EML4: variants seen among roughly 807,000 people sequenced by gnomAD.
EML4 encodes EMAP like 4.
EML4 carries 72 observed loss-of-function variants against 129.0 expected under a neutral mutation model. The observed-to-expected ratio is 0.56, with a 90% confidence interval of 0.46 to 0.68. The LOEUF (loss-of-function observed/expected upper bound fraction) is 0.68, where lower values mean the gene tolerates loss of function less well. Ranked by LOEUF, EML4 falls within the 30% of genes least tolerant of loss-of-function variation. The pLI, the probability that EML4 is intolerant of heterozygous loss-of-function variation, is 0.00. For synonymous variants in EML4, 532 were observed against 405.0 expected, an observed-to-expected ratio of 1.31 and a Z score of -3.77; for missense variants, 1,363 against 1,190.6, an observed-to-expected ratio of 1.14 and a Z score of -2.13.
At chr2:42,222,533 A>G (rs1296212525) in intron 1 of EML4, among the ~76,000 whole-genome samples, 3 of 152,158 alleles carry the variant, frequency 2.0e-5, no homozygotes, top group African/African-American at 7.2e-5. Flanking sequence ...GAGTCCAGTA[A>G]TTGGGACAAA....
At chr2:42,239,316 AT>A (rs1405897904) in intron 1 of EML4, among the ~76,000 whole-genome samples, 6 of 152,232 alleles carry the variant, frequency 3.9e-5, no homozygotes, top group African/African-American at 1.4e-4. Flanking sequence ...ACTTTTGGAT[AT>A]TTATAATGAA....
At position 42,214,985 on chromosome 2, in the gene EML4, A is replaced by G. The variant is rs58797798; in HGVS notation, c.26-30520A>G. Among the ~76,000 whole-genome samples the G allele has an allele frequency of 4.9e-4, 74 of 152,322 alleles. No homozygotes were observed. The East Asian group carries it at 0.013, about 26-fold the overall frequency. On this transcript the variant is annotated intron_variant, in intron 1 of 22. Coordinates refer to ENST00000318522, the MANE Select transcript of EML4 (RefSeq NM_019063.5). The stretch of plus-strand genomic sequence containing the variant: ...GAGAGAACTACATAAGAGCATGACT[A>G]CTGGTAGGCGTGTTTCATTGGGGGT...
chr2:42,205,831 C>T (rs1672505684), intron 1 of EML4, among the ~76,000 whole-genome samples: 1 of 152,120 alleles, frequency 6.6e-6, no homozygotes, highest in East Asian at 1.9e-4. Context: ...TTTTACTCTC[C>T]TGTGTTAACA....
intron 1 of EML4, among the ~76,000 whole-genome samples, chr2:42,223,801 GC>G (rs1229955456): frequency 6.6e-6 from 1 of 152,006 alleles, no homozygotes; most frequent in African/African-American, 2.4e-5. Flanking sequence ...AGAAATGCTG[GC>G]TCTAGGCTAT....
intron 11 of EML4, among the ~76,000 whole-genome samples, chr2:42,293,767 G>A (rs776980301): frequency 6.6e-6 from 1 of 151,986 alleles, no homozygotes; most frequent in African/African-American, 2.4e-5. Flanking sequence ...CCACCACCAC[G>A]CCCAGCTACT....
At chr2:42,313,503 C>T (rs149896906) in intron 17 of EML4, among the ~76,000 whole-genome samples, 42 of 152,014 alleles carry the variant, frequency 2.8e-4, no homozygotes, top group East Asian at 5.8e-4. Flanking sequence ...CACTAAGCCA[C>T]GTTAAACCAT....
intron 1 of EML4, among the ~76,000 whole-genome samples, chr2:42,195,863 T>C (rs1671869801): frequency 1.3e-5 from 2 of 152,242 alleles, no homozygotes; most frequent in Non-Finnish European, 1.5e-5. Flanking sequence ...CCAAGTGTTA[T>C]TAAAGTTAAT....
chr2:42,212,031 A>G (rs1302232198), intron 1 of EML4, among the ~76,000 whole-genome samples: 1 of 152,014 alleles, frequency 6.6e-6, no homozygotes, highest in Non-Finnish European at 1.5e-5. Context: ...TTTTTAGTAG[A>G]GATGGGGTTT....
chr2:42,249,936 A>G (rs968264538), intron 2 of EML4, among the ~76,000 whole-genome samples: 17 of 152,178 alleles, frequency 1.1e-4, no homozygotes, highest in African/African-American at 3.9e-4. Flanking sequence ...AGAAAAAAAT[A>G]TTACCTGTAC....
chr2:42,182,969 C>G (rs1671034863), intron 1 of EML4, among the ~76,000 whole-genome samples: 1 of 152,074 alleles, frequency 6.6e-6, no homozygotes, highest in Non-Finnish European at 1.5e-5. Context: ...GAGGCCCCCC[C>G]ACAGCCCACT....
intron 1 of EML4, among the ~76,000 whole-genome samples, chr2:42,221,381 A>G (rs372455066): frequency 4.8e-4 from 68 of 143,070 alleles, no homozygotes; most frequent in African/African-American, 1.7e-3. Context: ...AGATGACAGC[A>G]CATTGTTTAC....
At position 42,303,317 on chromosome 2, in the gene EML4, T is replaced by G. The variant is rs756526487; in HGVS notation, c.1770T>G (p.Gly590=). ...FNDGFQIEVQ[G]HTDELWGLAT... The stretch of plus-strand genomic sequence containing the variant: ...CAATGAGTGTCTTTCATTTTCAGGG[T>G]CATACAGATGAGCTTTGGGGTCTTG... The change falls in exon 16 of 23, where the codon GGT becomes GGG. Residue 590 remains glycine (G), a splice_region_variant and synonymous_variant. Transcript: ENST00000318522. The G allele has an allele frequency of 6.2e-7, 1 of 1,614,134 alleles. No homozygotes were observed. Among genetic ancestry groups the G allele is most frequent in the Non-Finnish European group, 8.5e-7 (1 of 1,179,996 alleles).
intron 1 of EML4, 150 bp downstream of exon 1, chr2:42,169,786 G>T: frequency 2.7e-6 from 2 of 749,888 alleles, no homozygotes; most frequent in Admixed American, 3.5e-5. Context: ...GCCCCTCCGC[G>T]GACTCCGGTG....
chr2:42,204,905 T>C (rs1279367478), intron 1 of EML4, among the ~76,000 whole-genome samples: 1 of 152,224 alleles, frequency 6.6e-6, no homozygotes, highest in East Asian at 1.9e-4. Context: ...GCCTCAGATA[T>C]TCATGAATGC....
chr2:42,269,257 T>G (rs1284944194), intron 6 of EML4, among the ~76,000 whole-genome samples: 1 of 152,214 alleles, frequency 6.6e-6, no homozygotes, highest in African/African-American at 2.4e-5. Context: ...ATCAAATAAT[T>G]TAAAAATAAA....
intron 19 of EML4, among the ~76,000 whole-genome samples, chr2:42,320,657 C>T (rs953776924): frequency 6.6e-6 from 1 of 152,116 alleles, no homozygotes; most frequent in African/African-American, 2.4e-5. Flanking sequence ...CAATGATGAG[C>T]ATTGTGTATT....
Position 42,276,153 on chromosome 2 carries a change from T to C in EML4, c.668-4697T>C, listed in dbSNP as rs377666566. Among the ~76,000 whole-genome samples the C allele has an allele frequency of 2.0e-5, 3 of 152,172 alleles. No homozygotes were observed. In the East Asian group the frequency reaches 5.8e-4, roughly 29 times the overall value. On this transcript the variant is annotated intron_variant, in intron 6 of 22. Coordinates refer to ENST00000318522, the MANE Select transcript of EML4 (RefSeq NM_019063.5). ...ATACCCAAGGTAAAGAGTGTCTTCCTAAAAGAAGAGGTTGCAAACTGGTGT... is the reference window on the plus strand; with the variant it reads ...ATACCCAAGGTAAAGAGTGTCTTCCCAAAAGAAGAGGTTGCAAACTGGTGT...
Position 42,303,346 on chromosome 2 carries a change from C to T in EML4, c.1799C>T (p.Thr600Ile), listed in dbSNP as rs1170220534. 1.5e-5 allele frequency: 25 copies of T among 1,614,030 alleles called. No individual in the cohort carries two copies. The highest frequency in any genetic ancestry group is 2.0e-5 in the Non-Finnish European group (24 of 1,180,016). ...GHTDELWGLATHPFKDLLLTC... is the reference protein window; with the variant it reads ...GHTDELWGLAIHPFKDLLLTC... ...ACAGATGAGCTTTGGGGTCTTGCCA[C>T]ACATCCCTTCAAAGATTTGCTCTTG... Residue 600 changes from threonine to isoleucine, a missense_variant, in exon 16 of 23, where the codon ACA (threonine) becomes ATA (isoleucine). Thr to Ile is a moderately conservative substitution (Grantham distance 89). Coordinates refer to ENST00000318522, the MANE Select transcript of EML4 (RefSeq NM_019063.5).
chr2:42,207,678 G>C (rs993033289), intron 1 of EML4, among the ~76,000 whole-genome samples: 2 of 152,152 alleles, frequency 1.3e-5, no homozygotes, highest in African/African-American at 4.8e-5. Context: ...TTTTAGTTTG[G>C]ATTGTTTTGG....
Sources: allele counts gnomAD v4.1 joint callset (sites outside exome capture counted in the v4.1 genomes callset), GRCh38; gene constraint gnomAD v4.1.1; transcripts MANE v1.5; gene names NCBI Gene and HGNC (gene_info 2026-07-23, HGNC 2026-07-21).